MCCC1: variants seen among roughly 807,000 people sequenced by gnomAD.
MCCC1 encodes the protein methylcrotonyl-CoA carboxylase subunit 1.
A neutral mutation model predicts 83.8 loss-of-function variants in MCCC1; 64 were observed. That is an observed-to-expected ratio of 0.76 (90% CI 0.62 to 0.94). MCCC1 has a LOEUF of 0.94. Ranked by LOEUF, MCCC1 falls within the 40% of genes least tolerant of loss-of-function variation. The pLI, the probability that MCCC1 is intolerant of heterozygous loss-of-function variation, is 0.00. For synonymous variants in MCCC1, 322 were observed against 315.4 expected, an observed-to-expected ratio of 1.02 and a Z score of -0.22; for missense variants, 807 against 904.7, an observed-to-expected ratio of 0.89 and a Z score of 1.39.
upstream of MCCC1, among the ~76,000 whole-genome samples, chr3:183,102,249 C>T (rs1295571507): frequency 6.6e-6 from 1 of 151,986 alleles, no homozygotes; most frequent in African/African-American, 2.4e-5. Flanking sequence ...ACTTGTAGTC[C>T]CAGCTACTCG....
intron 14 of MCCC1, among the ~76,000 whole-genome samples, chr3:183,031,374 G>A (rs895819697): frequency 6.6e-6 from 1 of 152,016 alleles, no homozygotes; most frequent in Non-Finnish European, 1.5e-5. Context: ...GTGAAACGTG[G>A]CCTCTAGTAG....
At chr3:183,085,086 G>T (rs9822789) in intron 4 of MCCC1, among the ~76,000 whole-genome samples, 26,267 of 152,144 alleles carry the variant, frequency 0.17, 2,565 homozygotes, top group East Asian at 0.39. Context: ...ACTAGAACAA[G>T]AAATCAAATG....
upstream of MCCC1, among the ~76,000 whole-genome samples, chr3:183,101,769 C>G (rs1230116183): frequency 6.6e-6 from 1 of 152,214 alleles, no homozygotes; most frequent in Non-Finnish European, 1.5e-5. Flanking sequence ...CTACTGCTCA[C>G]TCTTTGGGTC....
intron 9 of MCCC1, among the ~76,000 whole-genome samples, chr3:183,049,130 AT>A (rs1241125377): frequency 1.3e-5 from 2 of 152,268 alleles, no homozygotes; most frequent in African/African-American, 4.8e-5. Flanking sequence ...GAATGTATAT[AT>A]TAGAAAAGAA....
chr3:183,108,787 G>A lies in MCCC1; in HGVS notation c.-102+6687C>T, dbSNP rs1378112823. 2.6e-5 allele frequency among the ~76,000 whole-genome samples: 4 copies of A among 152,090 alleles called. No individual in the cohort carries two copies. The South Asian group carries it at 6.2e-4, about 24-fold the overall frequency. On this transcript the variant is annotated intron_variant, in intron 1 of 17. Transcript: ENST00000492597. ...GCAGTTATACTGATCCATCATCCTCGCACTTGCTCCAACCGAAGTGTAGAA... is the reference window on the plus strand; with the variant it reads ...GCAGTTATACTGATCCATCATCCTCACACTTGCTCCAACCGAAGTGTAGAA...
chr3:183,110,020 T>C (rs1719468687), intron 1 of MCCC1, among the ~76,000 whole-genome samples: 1 of 152,250 alleles, frequency 6.6e-6, no homozygotes, highest in African/African-American at 2.4e-5. Context: ...TGAGAATTTT[T>C]TTCATATATT....
intron 1 of MCCC1, among the ~76,000 whole-genome samples, chr3:183,113,099 C>T (rs1281568888): frequency 6.6e-6 from 1 of 151,484 alleles, no homozygotes; most frequent in Non-Finnish European, 1.5e-5. Flanking sequence ...TAGTGGGCGC[C>T]TGTAACCTCA....
chr3:183,052,741 C>A (rs144890624), intron 8 of MCCC1, among the ~76,000 whole-genome samples: 2 of 130,784 alleles, frequency 1.5e-5, no homozygotes, highest in African/African-American at 5.7e-5. Flanking sequence ...CCCTGGGAGG[C>A]GGAGCTTGCA....
chr3:183,076,086 A>G (rs1257976037), intron 4 of MCCC1, among the ~76,000 whole-genome samples: 2 of 152,154 alleles, frequency 1.3e-5, no homozygotes, highest in Admixed American at 1.3e-4. Flanking sequence ...TCATGCATTT[A>G]TAGTTTGGTG....
intron 8 of MCCC1, among the ~76,000 whole-genome samples, 196 bp from the exon 9 acceptor site, chr3:183,052,436 A>G (rs146624998): frequency 1.2e-3 from 186 of 152,296 alleles, no homozygotes; most frequent in African/African-American, 4.3e-3. Flanking sequence ...CTGTCATAAC[A>G]TCACAGCACA....
chr3:183,081,769 G>C (rs530138729), intron 4 of MCCC1, among the ~76,000 whole-genome samples: 1 of 152,322 alleles, frequency 6.6e-6, no homozygotes, highest in African/African-American at 2.4e-5. Flanking sequence ...CTGTTCAGGG[G>C]CTCTTGGGGC....
chr3:183,027,864 T>C (rs1712735070), intron 14 of MCCC1, among the ~76,000 whole-genome samples: 1 of 152,188 alleles, frequency 6.6e-6, no homozygotes, highest in African/African-American at 2.4e-5. Flanking sequence ...GACTGGTTCA[T>C]GAGGTTCAAG....
At position 183,071,287 on chromosome 3, in the gene MCCC1, C is replaced by T; in HGVS notation, c.562G>A (p.Asp188Asn). The change falls in exon 6 of 19, where the codon GAC (aspartate) becomes AAC (asparagine). Residue 188 changes from aspartate to asparagine, a missense_variant. Coordinates refer to ENST00000265594, the MANE Select transcript of MCCC1 (RefSeq NM_020166.5). ...CTGGCGTGTTCCTTCAGGCACTGGT[C>T]TGATTGGTCCTCACCATGATAACCC... Reference protein sequence around the residue: ...VEGYHGEDQSDQCLKEHARRI... With the variant: ...VEGYHGEDQSNQCLKEHARRI... 1.9e-6 allele frequency: 3 copies of T among 1,614,224 alleles called. No homozygotes were observed. The highest frequency in any genetic ancestry group is 2.5e-6 in the Non-Finnish European group (3 of 1,180,042).
At chr3:183,081,587 A>G (rs1717498134) in intron 4 of MCCC1, among the ~76,000 whole-genome samples, 1 of 152,178 alleles carries the variant, frequency 6.6e-6, no homozygotes, top group Non-Finnish European at 1.5e-5. Context: ...CTTATTACCA[A>G]GTGTAAGGTA....
intron 8 of MCCC1, among the ~76,000 whole-genome samples, chr3:183,053,691 G>A (rs1715173867): frequency 6.7e-6 from 1 of 150,128 alleles, no homozygotes; most frequent in Non-Finnish European, 1.5e-5. Flanking sequence ...TGTAGTCCCA[G>A]CTACTCTGGA....
intron 17 of MCCC1, among the ~76,000 whole-genome samples, chr3:183,019,720 C>T (rs969620144): frequency 2.0e-5 from 3 of 152,260 alleles, no homozygotes; most frequent in East Asian, 1.9e-4. Flanking sequence ...TGTTCTTCAC[C>T]AATACCAGCC....
At chr3:183,108,642 G>C (rs913100490) in intron 1 of MCCC1, among the ~76,000 whole-genome samples, 13 of 152,170 alleles carry the variant, frequency 8.5e-5, no homozygotes, top group East Asian at 1.9e-4. Context: ...AGAAAATACT[G>C]GGGGGAGGAA....
At chr3:183,039,811 T>G (rs866267603) in intron 11 of MCCC1, among the ~76,000 whole-genome samples, 21 of 151,998 alleles carry the variant, frequency 1.4e-4, no homozygotes, top group African/African-American at 9.7e-5. Flanking sequence ...TTGATAAGAT[T>G]AGAGGTGCCT....
intron 9 of MCCC1, among the ~76,000 whole-genome samples, chr3:183,050,696 A>C (rs1380966736): frequency 4.5e-5 from 6 of 132,918 alleles, no homozygotes; most frequent in African/African-American, 1.5e-4. Context: ...ACAGAGTGAG[A>C]CTCTGTCTCA....
Sources: allele counts gnomAD v4.1 joint callset (sites outside exome capture counted in the v4.1 genomes callset), GRCh38; gene constraint gnomAD v4.1.1; transcripts MANE v1.5; gene names NCBI Gene and HGNC (gene_info 2026-07-23, HGNC 2026-07-21).